The following PPP2R1B variants were observed in gnomAD, a reference collection of about 807,000 sequenced individuals.
PPP2R1B encodes the protein protein phosphatase 2 scaffold subunit Abeta.
Under a neutral mutation model 72.7 loss-of-function variants are expected in PPP2R1B, and 58 were observed. The observed-to-expected ratio is 0.80, with a 90% CI of 0.65 to 0.99. The LOEUF (loss-of-function observed/expected upper bound fraction) is 0.99, where lower values mean the gene tolerates loss of function less well. Ranked by LOEUF, PPP2R1B falls within the 50% of genes least tolerant of loss-of-function variation. The probability of loss-of-function intolerance (pLI) is 0.00; values close to 1 mark genes in which losing one functional copy is unlikely to be tolerated. For missense variants in PPP2R1B, 695 were observed against 733.6 expected (o/e 0.95, Z 0.61); for synonymous variants, 256 against 264.6 (o/e 0.97, Z 0.32).
At chr11:111,747,173 C>G (rs1003947370) in intron 11 of PPP2R1B, among the ~76,000 whole-genome samples, 2 of 152,202 alleles carry the variant, frequency 1.3e-5, no homozygotes, top group African/African-American at 4.8e-5. Flanking sequence ...TCACATGACC[C>G]CATAGGGGCA....
chr11:111,722,877 G>A, downstream of PPP2R1B: 1 of 856,698 alleles, frequency 1.2e-6, no homozygotes, highest in Non-Finnish European at 1.8e-6. The surrounding 1 kb of genome is among the most constrained non-coding windows in gnomAD (Gnocchi z 4.4). Flanking sequence ...TTCTGCGTGT[G>A]TCACAGGCCC....
At chr11:111,731,729 C>T (rs755086875) in intron 15 of PPP2R1B, among the ~76,000 whole-genome samples, 4 of 152,238 alleles carry the variant, frequency 2.6e-5, no homozygotes, top group Non-Finnish European at 2.9e-5. Context: ...TCTCCACCAA[C>T]GTCCACTGCT....
At chr11:111,720,218 T>A in the PPP2R1B span, among the ~76,000 whole-genome samples, 1 of 152,188 alleles carries the variant, frequency 6.6e-6, no homozygotes, top group Non-Finnish European at 1.5e-5. Context: ...GTCCCCAGGA[T>A]TCATCTGGGT....
chr11:111,707,248 C>T, the PPP2R1B span, among the ~76,000 whole-genome samples: 1 of 152,150 alleles, frequency 6.6e-6, no homozygotes, highest in African/African-American at 2.4e-5. Flanking sequence ...AAACATTACG[C>T]AAGTGAGGGA....
rs529091402 is a variant in PPP2R1B, at chr11:111,737,939, C to T, written c.*3657G>A. The T allele has an allele frequency of 1.2e-3, 1,220 of 1,038,556 alleles. No individual in the cohort carries two copies. The highest frequency in any genetic ancestry group is 1.3e-3 in the Non-Finnish European group (1,134 of 861,358). The allele number at this position is 1,038,556 out of a possible 1,614,324, so 64.3% of individuals were successfully genotyped here. On this transcript the variant is annotated 3_prime_UTR_variant, in exon 15 of 15. Coordinates refer to ENST00000527614, the MANE Select transcript of PPP2R1B (RefSeq NM_002716.5). The stretch of plus-strand genomic sequence containing the variant: ...AGACAGAAATGGCTTGGCTTTCCGA[C>T]GCAATGAGTAATTAAACTCTATTCG...
In PPP2R1B at chr11:111,752,174, C is replaced by T. The variant is rs927751924; in HGVS notation, c.1323G>A (p.Leu441=). Residue 441 remains leucine, a synonymous_variant, in exon 10 of 15, where the codon CTG becomes CTA. Transcript: ENST00000527614. ...ACATACTCACCAGCTGGCCTGCCAG[C>T]AGCGGCATATACTCAATGATGGCCA... ...VRLAIIEYMP[L]LAGQLGVEFF... 4 of 1,609,398 alleles carry T rather than the reference C, an allele frequency of 2.5e-6. No individual in the cohort carries two copies. Among genetic ancestry groups the T allele is most frequent in the Non-Finnish European group, 3.4e-6 (4 of 1,178,216 alleles).
chr11:111,765,697 G>A, intron 1 of PPP2R1B: 1 of 501,052 alleles, frequency 2.0e-6, no homozygotes, highest in Non-Finnish European at 3.9e-6. Flanking sequence ...TGAAGCAGGT[G>A]AAACGGTTGA....
intron 4 of PPP2R1B, 40 bp downstream of exon 4, chr11:111,760,779 G>T: frequency 6.4e-7 from 1 of 1,555,826 alleles, no homozygotes; most frequent in South Asian, 1.1e-5. Context: ...CTTACTACCT[G>T]ATTTCTGCTT....
chr11:111,764,135 T>C (rs1267255994), intron 3 of PPP2R1B, among the ~76,000 whole-genome samples: 7 of 152,190 alleles, frequency 4.6e-5, no homozygotes, highest in African/African-American at 1.7e-4. Flanking sequence ...TGGGTACTTA[T>C]ATCTTTCCAT....
At chr11:111,703,467 T>G in the PPP2R1B span, 2 of 1,573,424 alleles carry the variant, frequency 1.3e-6, no homozygotes, top group African/African-American at 2.7e-5. Flanking sequence ...ACTTAGCTAC[T>G]TGAAATTTCA....
chr11:111,724,024 C>A, downstream of PPP2R1B: 1 of 1,614,234 alleles, frequency 6.2e-7, no homozygotes. Context: ...AAGAGGCCCC[C>A]TCCAGCTACG....
At chr11:111,736,066 GA>G (rs1944331726), downstream of PPP2R1B, among the ~76,000 whole-genome samples, 1 of 152,096 alleles carries the variant, frequency 6.6e-6, no homozygotes, top group African/African-American at 2.4e-5. Context: ...TCCTTTCCTG[GA>G]AAAAAGATTC....
chr11:111,741,112 C>T lies in PPP2R1B; in HGVS notation c.*484G>A, dbSNP rs1320811087. On this transcript the variant is annotated 3_prime_UTR_variant, in exon 15 of 15. Transcript: ENST00000527614. ...ATTCAGGAAAATGTGGCTTTCATTA[C>T]GGTCAAATCTCAACATGTCTCCCGA... 17 of 987,574 alleles carry T rather than the reference C, an allele frequency of 1.7e-5. No homozygotes were observed. Among genetic ancestry groups the T allele is most frequent in the African/African-American group, 8.7e-5 (5 of 57,262 alleles). The allele number at this position is 987,574 out of a possible 1,614,324, so 61.2% of individuals were successfully genotyped here.
chr11:111,720,980 A>G, the PPP2R1B span: 3 of 1,614,232 alleles, frequency 1.9e-6, no homozygotes, highest in Non-Finnish European at 2.5e-6. Context: ...CAGTTGTTGT[A>G]TGAACAAATA....
chr11:111,742,872 G>A (rs1944573305), intron 12 of PPP2R1B, among the ~76,000 whole-genome samples: 1 of 151,164 alleles, frequency 6.6e-6, no homozygotes, highest in Non-Finnish European at 1.5e-5. Context: ...AAATACTGTA[G>A]TTTTGTTCTT....
downstream of PPP2R1B, chr11:111,723,695 G>A (rs778917625): frequency 1.9e-5 from 30 of 1,613,872 alleles, no homozygotes; most frequent in South Asian, 7.7e-5. Flanking sequence ...GCCTTCCTCC[G>A]AGCAGATGCA....
chr11:111,703,390 C>A, the PPP2R1B span: 1 of 1,613,926 alleles, frequency 6.2e-7, no homozygotes, highest in Non-Finnish European at 8.5e-7. Context: ...GACTGATGCA[C>A]AGCCTTGGAA....
chr11:111,707,434 T>TACCAAGCACTCTGTG, the PPP2R1B span, among the ~76,000 whole-genome samples: 2 of 152,212 alleles, frequency 1.3e-5, no homozygotes, highest in Admixed American at 6.5e-5. Context: ...TTTTTTAAAT[T>TACCAAGCACTCTGTG]ACCAAGCACT....
chr11:111,760,761 A>C, intron 4 of PPP2R1B, 58 bp downstream of exon 4: 1 of 1,475,612 alleles, frequency 6.8e-7, no homozygotes, highest in South Asian at 1.2e-5. Context: ...ATCCCAAATA[A>C]CTCATAGCTT....
Sources: allele counts gnomAD v4.1 joint callset (sites outside exome capture counted in the v4.1 genomes callset), GRCh38; gene constraint gnomAD v4.1.1; non-coding constraint Gnocchi (gnomAD v3.1); transcripts MANE v1.5; gene names NCBI Gene and HGNC (gene_info 2026-07-23, HGNC 2026-07-21).